Variants in FAM53A observed in about 807,000 individuals in gnomAD.
FAM53A encodes the protein family with sequence similarity 53 member A.
In FAM53A, 28 loss-of-function variants were observed where a neutral mutation model predicts 26.6. That is an observed-to-expected ratio of 1.05 (90% CI 0.78 to 1.45). The LOEUF (loss-of-function observed/expected upper bound fraction) is 1.45. Among genes scored for constraint, FAM53A ranks in the 40% most tolerant of loss-of-function variants. The pLI, the probability that FAM53A is intolerant of heterozygous loss-of-function variation, is 0.00. For missense variants in FAM53A, 650 were observed against 575.8 expected (o/e 1.13, Z -1.32); for synonymous variants, 290 against 253.1 (o/e 1.15, Z -1.38).
intron 1 of FAM53A, among the ~76,000 whole-genome samples, chr4:1,670,959 G>A (rs920225959): frequency 8.1e-5 from 12 of 148,142 alleles, no homozygotes; most frequent in East Asian, 4.0e-4. Flanking sequence ...AGAGCCCCCA[G>A]CTCACAGCCA....
the FAM53A span, among the ~76,000 whole-genome samples, chr4:1,592,906 C>G: frequency 1.3e-5 from 2 of 152,124 alleles, no homozygotes; most frequent in East Asian, 3.9e-4. Flanking sequence ...GGGCACATGG[C>G]CGAGGTCCTG....
downstream of FAM53A, among the ~76,000 whole-genome samples, chr4:1,616,319 C>A (rs560952711): frequency 2.0e-5 from 3 of 152,226 alleles, no homozygotes; most frequent in Non-Finnish European, 2.9e-5. Flanking sequence ...CAGGTCCCCA[C>A]GGCCAAGGTT....
At chr4:1,620,596 A>C (rs1266794195) in intron 1 of FAM53A, among the ~76,000 whole-genome samples, 1 of 152,008 alleles carries the variant, frequency 6.6e-6, no homozygotes, top group African/African-American at 2.4e-5. Context: ...TGAACCCAGG[A>C]AGTGGAGGTT....
intron 4 of FAM53A, among the ~76,000 whole-genome samples, chr4:1,646,743 G>C (rs1310339833): frequency 6.6e-6 from 1 of 152,176 alleles, no homozygotes; most frequent in Non-Finnish European, 1.5e-5. Context: ...TGATGTAACT[G>C]CTGGCCCCAA....
intron 4 of FAM53A, chr4:1,644,050 G>C: frequency 8.5e-7 from 1 of 1,169,866 alleles, no homozygotes. Context: ...GTGGAGGTCC[G>C]GGTCTCACCA....
intron 1 of FAM53A, among the ~76,000 whole-genome samples, chr4:1,681,223 A>G (rs569295533): frequency 6.6e-6 from 1 of 152,194 alleles, no homozygotes; most frequent in East Asian, 1.9e-4. Flanking sequence ...CAGCCTCCCA[A>G]GTAGCGGGGA....
At chr4:1,625,071 C>T (rs1241188241) in intron 1 of FAM53A, among the ~76,000 whole-genome samples, 1 of 125,696 alleles carries the variant, frequency 8.0e-6, no homozygotes, top group Non-Finnish European at 1.6e-5. Context: ...TCCCGGCCCA[C>T]GTGGTCAGGG....
intron 2 of FAM53A, among the ~76,000 whole-genome samples, chr4:1,666,940 C>T (rs377689540): frequency 5.8e-4 from 89 of 152,256 alleles, no homozygotes; most frequent in African/African-American, 2.1e-3. Context: ...CCAGCCTGAC[C>T]AACATGGTGA....
intron 1 of FAM53A, among the ~76,000 whole-genome samples, chr4:1,631,121 C>G (rs575678003): frequency 2.6e-5 from 4 of 152,178 alleles, no homozygotes; most frequent in South Asian, 2.1e-4. Context: ...TATTATAACA[C>G]TTTAGAGGAG....
At chr4:1,614,194 C>T (rs1270889051), downstream of FAM53A, among the ~76,000 whole-genome samples, 1 of 152,152 alleles carries the variant, frequency 6.6e-6, no homozygotes, top group Non-Finnish European at 1.5e-5. Flanking sequence ...CTGCGCGCAG[C>T]CCATCCCAGA....
chr4:1,654,957 CT>C lies in FAM53A; in HGVS notation c.882+20del, dbSNP rs1425743237. The C allele has an allele frequency of 3.3e-6, 5 of 1,501,812 alleles. No individual in the cohort carries two copies. The South Asian group carries it at 6.8e-5, about 20-fold the overall frequency. The allele number at this position is 1,501,812 out of a possible 1,614,324, so 93.0% of individuals were successfully genotyped here. The stretch of plus-strand genomic sequence containing the variant: ...TCCAGATCTACGCCCCTCTGAGCCC[CT>C]GGAAATAAGAAAGCCTCACCTGGGT... On this transcript the variant is annotated intron_variant, in intron 4 of 4. Coordinates refer to ENST00000308132, the MANE Select transcript of FAM53A (RefSeq NM_001174070.3).
chr4:1,660,629 C>T (rs78495419), intron 2 of FAM53A, among the ~76,000 whole-genome samples: 39,889 of 151,978 alleles, frequency 0.26, 6,099 homozygotes, highest in Middle Eastern at 0.45. Context: ...TGGCTCACGC[C>T]TGTAATCCCA....
downstream of FAM53A, among the ~76,000 whole-genome samples, chr4:1,634,890 A>G (rs1265956024): frequency 6.7e-6 from 1 of 150,192 alleles, no homozygotes; most frequent in African/African-American, 2.5e-5. Flanking sequence ...ACAAGAGAGA[A>G]ACTCTGTCTC....
chr4:1,585,179 T>C, the FAM53A span, among the ~76,000 whole-genome samples: 1 of 152,170 alleles, frequency 6.6e-6, no homozygotes, highest in African/African-American at 2.4e-5. Flanking sequence ...TAGTCACACG[T>C]TGTACAGTAG....
chr4:1,670,048 T>C (rs1714521764), intron 1 of FAM53A, among the ~76,000 whole-genome samples: 1 of 152,118 alleles, frequency 6.6e-6, no homozygotes, highest in Non-Finnish European at 1.5e-5. Context: ...CTCAGGAGCA[T>C]CTGCCCCAAA....
chr4:1,655,330 G>A lies in FAM53A; in HGVS notation c.530C>T (p.Thr177Ile), dbSNP rs1348476756. The change falls in exon 4 of 5, where the codon ACC (threonine) becomes ATC (isoleucine). Residue 177 changes from threonine to isoleucine, a missense_variant. By Grantham distance (89) the Thr-to-Ile change is moderately conservative. Coordinates refer to ENST00000308132, the MANE Select transcript of FAM53A (RefSeq NM_001174070.3). ...GGGCGTGGCGGGCGAGGTGGGACCG[G>A]TCGACCACACAGCACTCCTCGGCAG... The part of the protein sequence containing the change: ...AVLPRSAVWS[T>I]GPTSPATPRP... 5 of 1,422,540 alleles carry A rather than the reference G, an allele frequency of 3.5e-6. No individual in the cohort carries two copies. The highest frequency in any genetic ancestry group is 2.8e-5 in the East Asian group (1 of 35,822). 88.1% of individuals were successfully genotyped at this position (1,422,540 alleles called of 1,614,324 possible).
chr4:1,595,626 C>A, the FAM53A span, among the ~76,000 whole-genome samples: 19 of 152,332 alleles, frequency 1.2e-4, no homozygotes, highest in East Asian at 3.7e-3. Flanking sequence ...TGTGCACAGA[C>A]CCCTCCTGAC....
intron 4 of FAM53A, 81 bp from the exon 5 acceptor site, chr4:1,641,688 CG>C: frequency 6.8e-7 from 1 of 1,460,272 alleles, no homozygotes; most frequent in East Asian, 2.3e-5. Context: ...ATCGAGGGCT[CG>C]GTGTGCTGGG....
chr4:1,642,520 G>A (rs1013859555), intron 4 of FAM53A, among the ~76,000 whole-genome samples: 5 of 152,026 alleles, frequency 3.3e-5, no homozygotes, highest in African/African-American at 9.7e-5. Context: ...CCCCCAACCA[G>A]AGCACTCTGA....
Sources: allele counts gnomAD v4.1 joint callset (sites outside exome capture counted in the v4.1 genomes callset), GRCh38; gene constraint gnomAD v4.1.1; transcripts MANE v1.5; gene names NCBI Gene and HGNC (gene_info 2026-07-23, HGNC 2026-07-21).